KIAA0825: variants seen among roughly 807,000 people sequenced by gnomAD.
The protein encoded by KIAA0825 is uncharacterized protein KIAA0825.
KIAA0825 carries 119 observed loss-of-function variants against 147.6 expected under a neutral mutation model. The ratio of observed to expected loss-of-function variants is 0.81; its 90% CI spans 0.69 to 0.94. KIAA0825 has a LOEUF of 0.94. Among genes scored for constraint, KIAA0825 ranks in the 40% least tolerant of loss-of-function variants. The pLI, the probability that KIAA0825 is intolerant of heterozygous loss-of-function variation, is 0.00. For synonymous variants in KIAA0825, 470 were observed against 518.1 expected (o/e 0.91, Z 1.26); for missense variants, 1,381 against 1,472.7 (o/e 0.94, Z 1.02).
intron 2 of KIAA0825, among the ~76,000 whole-genome samples, chr5:94,564,457 AGTGTGTGT>A (rs372092487): frequency 2.0e-4 from 3 of 14,992 alleles, no homozygotes; most frequent in African/African-American, 7.2e-4. Context: ...CTTATTTTTG[AGTGTGTGT>A]GTGTGTGTGT....
intron 20 of KIAA0825, among the ~76,000 whole-genome samples, chr5:94,270,781 A>C (rs1776946298): frequency 6.6e-6 from 1 of 152,150 alleles, no homozygotes; most frequent in Non-Finnish European, 1.5e-5. Context: ...GATGTAAATA[A>C]ATGTATGTAT....
intron 5 of KIAA0825, among the ~76,000 whole-genome samples, chr5:94,485,648 G>A (rs1159533251): frequency 6.7e-6 from 1 of 150,350 alleles, no homozygotes; most frequent in African/African-American, 2.4e-5. Flanking sequence ...GAGAGAGAAA[G>A]CAAAAGTGGA....
chr5:94,162,097 A>G (rs1767639894), intron 20 of KIAA0825, among the ~76,000 whole-genome samples: 1 of 152,178 alleles, frequency 6.6e-6, no homozygotes, highest in African/African-American at 2.4e-5. Flanking sequence ...CCTGCATACA[A>G]TCTCTGCTTC....
intron 20 of KIAA0825, among the ~76,000 whole-genome samples, chr5:94,351,263 T>C (rs1180070329): frequency 2.0e-5 from 3 of 152,244 alleles, no homozygotes; most frequent in African/African-American, 7.2e-5. Context: ...TTAGTAGCTC[T>C]TCTATACACC....
chr5:94,261,374 G>A (rs920867571), intron 20 of KIAA0825, among the ~76,000 whole-genome samples: 1 of 151,976 alleles, frequency 6.6e-6, no homozygotes, highest in Non-Finnish European at 1.5e-5. Flanking sequence ...TTTCCATAAT[G>A]TTATTGACTG....
chr5:94,475,137 ATCT>A (rs1392685237), intron 7 of KIAA0825, among the ~76,000 whole-genome samples: 3 of 152,176 alleles, frequency 2.0e-5, no homozygotes, highest in East Asian at 3.9e-4. Flanking sequence ...AACTGATATA[ATCT>A]TCTTTCTTAT....
At chr5:94,287,339 A>G (rs1269447281) in intron 20 of KIAA0825, among the ~76,000 whole-genome samples, 1 of 152,194 alleles carries the variant, frequency 6.6e-6, no homozygotes, top group Non-Finnish European at 1.5e-5. Flanking sequence ...GAAGACAATT[A>G]GCACTTTACT....
intron 2 of KIAA0825, among the ~76,000 whole-genome samples, chr5:94,544,357 T>C (rs1365583420): frequency 6.6e-6 from 1 of 152,250 alleles, no homozygotes; most frequent in Non-Finnish European, 1.5e-5. Context: ...GGGGCTAAAC[T>C]ATTTGGCTGC....
intron 14 of KIAA0825, among the ~76,000 whole-genome samples, chr5:94,438,046 G>A (rs1756599480): frequency 1.3e-5 from 2 of 152,210 alleles, no homozygotes; most frequent in South Asian, 4.1e-4. Context: ...GTACCAAGAT[G>A]TCCTGGTTGA....
At chr5:94,276,354 T>C (rs1457759182) in intron 20 of KIAA0825, among the ~76,000 whole-genome samples, 1 of 152,150 alleles carries the variant, frequency 6.6e-6, no homozygotes. Context: ...TTGGTTTTCT[T>C]TTTTTAACTA....
At chr5:94,480,062 CT>C (rs1170616045) in intron 6 of KIAA0825, among the ~76,000 whole-genome samples, 9 of 151,886 alleles carry the variant, frequency 5.9e-5, no homozygotes, top group Non-Finnish European at 1.2e-4. Flanking sequence ...CTGATCATGC[CT>C]GTTTATTTAG....
intron 20 of KIAA0825, among the ~76,000 whole-genome samples, chr5:94,155,157 G>A (rs965069866): frequency 1.3e-5 from 2 of 151,786 alleles, no homozygotes; most frequent in Non-Finnish European, 2.9e-5. Context: ...ATGAATTTAG[G>A]GTGGAATTTT....
At chr5:94,383,364 C>G (rs1748688371) in intron 20 of KIAA0825, among the ~76,000 whole-genome samples, 1 of 152,158 alleles carries the variant, frequency 6.6e-6, no homozygotes, top group South Asian at 2.1e-4. Flanking sequence ...ACTGCAACCT[C>G]TCTCTTAGGA....
At chr5:94,531,514 T>C (rs1453355469) in intron 3 of KIAA0825, among the ~76,000 whole-genome samples, 2 of 152,224 alleles carry the variant, frequency 1.3e-5, no homozygotes, top group East Asian at 1.9e-4. Flanking sequence ...AAGTTTAGGC[T>C]ACTGCGCTGC....
intron 14 of KIAA0825, among the ~76,000 whole-genome samples, chr5:94,437,842 G>T (rs1225723825): frequency 1.3e-5 from 2 of 152,164 alleles, no homozygotes; most frequent in East Asian, 3.9e-4. Context: ...TCATGTAGCT[G>T]CTTTGTCTGA....
chr5:94,309,034 G>A (rs1202752421), intron 20 of KIAA0825, among the ~76,000 whole-genome samples: 1 of 151,696 alleles, frequency 6.6e-6, no homozygotes, highest in African/African-American at 2.4e-5. Context: ...CTGTCCTGTA[G>A]GCTCCTTCAT....
intron 6 of KIAA0825, among the ~76,000 whole-genome samples, chr5:94,482,390 C>T (rs2151034816): frequency 1.3e-5 from 2 of 152,180 alleles, no homozygotes; most frequent in South Asian, 4.1e-4. Flanking sequence ...GTTACATAGA[C>T]ATCGTAGGCA....
chr5:94,324,511 ATTCT>A (rs1780494087), intron 20 of KIAA0825, among the ~76,000 whole-genome samples: 1 of 152,020 alleles, frequency 6.6e-6, no homozygotes, highest in East Asian at 1.9e-4. Flanking sequence ...ACAAATAAAT[ATTCT>A]TTGTTACTAC....
rs34842887 is a variant in KIAA0825, at chr5:94,200,946, C to CATATATATATATATATAT, written c.3711-46840_3711-46823dup. On this transcript the variant is annotated intron_variant, in intron 20 of 20. Transcript: ENST00000682413. ...TTTCTCTAGAAATATAGAATTTAAA[C>CATATATATATATATATAT]ATATATATATATATATATATATATA... 1.6e-4 allele frequency among the ~76,000 whole-genome samples: 17 copies of CATATATATATATATATAT among 103,892 alleles called. 2 individuals carry two copies. Among genetic ancestry groups the CATATATATATATATATAT allele is most frequent in the Middle Eastern group, 5.6e-3 (1 of 180 alleles). The allele number at this position is 103,892 out of a possible 152,430, so 68.2% of individuals were successfully genotyped here. A position where few individuals can be genotyped will look rare whatever the true frequency, so the allele number is the denominator to read the frequency against.
Sources: gnomAD v4.1 joint callset for allele counts (sites outside exome capture counted in the v4.1 genomes callset) on GRCh38, gnomAD v4.1.1 for gene constraint, MANE v1.5 for transcripts, NCBI Gene and HGNC (gene_info 2026-07-23, HGNC 2026-07-21) for gene names.